TEAD1: variants seen among roughly 807,000 people sequenced by gnomAD.
TEAD1 encodes the protein transcriptional enhancer factor TEF-1.
TEAD1 carries 9 observed loss-of-function variants against 54.9 expected under a neutral mutation model. That is an observed-to-expected ratio of 0.16 (90% CI 0.10 to 0.29). The LOEUF is 0.29. TEAD1 is among the 10% of genes least tolerant of loss of function. The pLI is 1.00. For synonymous variants in TEAD1, 200 were observed against 187.8 expected, an observed-to-expected ratio of 1.07 and a Z score of -0.53; for missense variants, 387 against 535.9, an observed-to-expected ratio of 0.72 and a Z score of 2.74.
At chr11:12,754,739 T>C (rs1054376356) in intron 2 of TEAD1, among the ~76,000 whole-genome samples, 3 of 152,198 alleles carry the variant, frequency 2.0e-5, no homozygotes, top group Admixed American at 1.3e-4. Flanking sequence ...GGGCTTGGCC[T>C]TCGCAGTTTA....
At chr11:12,799,835 G>A (rs1946012625) in intron 3 of TEAD1, among the ~76,000 whole-genome samples, 1 of 152,046 alleles carries the variant, frequency 6.6e-6, no homozygotes, top group South Asian at 2.1e-4. Flanking sequence ...ATAATGTAGT[G>A]TTTTGCTTTT....
At chr11:12,752,419 C>G (rs1285162179) in intron 2 of TEAD1, among the ~76,000 whole-genome samples, 3 of 152,106 alleles carry the variant, frequency 2.0e-5, no homozygotes, top group African/African-American at 7.2e-5. Context: ...ACGCTGCCTT[C>G]CAGTCAGTAC....
rs368662305 is a variant in TEAD1 at position 12,730,772 on chromosome 11, C to T, written c.-54-33407C>T. ...CTGGAGTGCACTAGTGCAATCATGG[C>T]TCACTGCAACCTCCACCTTCCAGTT... On this transcript the variant is annotated intron_variant, in intron 2 of 12. Transcript: ENST00000527636. 2.0e-3 allele frequency among the ~76,000 whole-genome samples: 273 copies of T among 136,354 alleles called. 1 individual carries two copies. Among genetic ancestry groups the T allele is most frequent in the African/African-American group, 7.2e-3 (256 of 35,570 alleles). The allele number at this position is 136,354 out of a possible 152,430, so 89.5% of individuals were successfully genotyped here.
chr11:12,757,216 A>G (rs566661499), intron 2 of TEAD1, among the ~76,000 whole-genome samples: 56 of 151,926 alleles, frequency 3.7e-4, no homozygotes, highest in Non-Finnish European at 6.6e-4. Context: ...TCACCTGCTC[A>G]CTCAAGTTTG....
chr11:12,928,359 C>T (rs2134167174), intron 11 of TEAD1, among the ~76,000 whole-genome samples: 1 of 150,408 alleles, frequency 6.6e-6, no homozygotes, highest in African/African-American at 2.5e-5. Context: ...TGGCTCACTG[C>T]AGCCTCAGCC....
intron 3 of TEAD1, among the ~76,000 whole-genome samples, chr11:12,811,823 T>C (rs1393758304): frequency 2.3e-5 from 2 of 87,696 alleles, no homozygotes; most frequent in Non-Finnish European, 4.1e-5. Context: ...CCTTCGGTTA[T>C]CATAGACTGT....
chr11:12,705,956 G>A (rs1044864479), intron 2 of TEAD1, among the ~76,000 whole-genome samples: 12 of 152,112 alleles, frequency 7.9e-5, no homozygotes, highest in Non-Finnish European at 1.6e-4. Context: ...GATTACCCTC[G>A]TTTGTGTGTC....
At chr11:12,747,254 C>T (rs1036377942) in intron 2 of TEAD1, among the ~76,000 whole-genome samples, 1 of 152,100 alleles carries the variant, frequency 6.6e-6, no homozygotes, top group African/African-American at 2.4e-5. Flanking sequence ...TAGTGCCTAC[C>T]TTTGAAAATT....
intron 5 of TEAD1, among the ~76,000 whole-genome samples, chr11:12,873,275 T>G (rs1422273434): frequency 6.6e-6 from 1 of 152,098 alleles, no homozygotes; most frequent in Non-Finnish European, 1.5e-5. Flanking sequence ...GGGGCTGAGG[T>G]CAGAAGGGTG....
intron 3 of TEAD1, among the ~76,000 whole-genome samples, chr11:12,805,932 T>C (rs1296297755): frequency 1.3e-5 from 2 of 152,196 alleles, no homozygotes; most frequent in Non-Finnish European, 2.9e-5. Context: ...TTTTAATACC[T>C]GAATTGACAG....
chr11:12,839,687 G>A (rs1035581381), intron 3 of TEAD1, among the ~76,000 whole-genome samples: 6 of 152,178 alleles, frequency 3.9e-5, no homozygotes, highest in Non-Finnish European at 5.9e-5. Flanking sequence ...GGTTCAGAAC[G>A]TAAGGAGCAC....
intron 2 of TEAD1, among the ~76,000 whole-genome samples, chr11:12,754,830 C>CTA (rs1320667303): frequency 3.3e-5 from 5 of 152,170 alleles, no homozygotes; most frequent in African/African-American, 1.2e-4. Context: ...GTGGATTTCC[C>CTA]TATTGCTTCT....
chr11:12,768,172 T>C (rs1203260388), intron 3 of TEAD1, among the ~76,000 whole-genome samples: 2 of 152,218 alleles, frequency 1.3e-5, no homozygotes, highest in East Asian at 3.8e-4. Flanking sequence ...GTCTGGACTC[T>C]ATAAATAATA....
intron 3 of TEAD1, among the ~76,000 whole-genome samples, chr11:12,811,670 A>G (rs924890918): frequency 6.6e-6 from 1 of 152,180 alleles, no homozygotes; most frequent in Non-Finnish European, 1.5e-5. Context: ...GGTGGGACCC[A>G]GAAGTCCAGG....
chr11:12,930,022 T>G, intron 11 of TEAD1, 152 bp from the exon 12 acceptor site: 2 of 817,894 alleles, frequency 2.4e-6, no homozygotes, highest in Non-Finnish European at 3.8e-6. Flanking sequence ...TTGGAGATAG[T>G]TTTTTTTTAA....
intron 5 of TEAD1, among the ~76,000 whole-genome samples, chr11:12,877,955 A>C (rs1589951267): frequency 6.6e-6 from 1 of 150,638 alleles, no homozygotes; most frequent in Non-Finnish European, 1.5e-5. Context: ...ACACCACCAC[A>C]CCTGGCTAAT....
intron 3 of TEAD1, among the ~76,000 whole-genome samples, chr11:12,801,915 A>G (rs751015417): frequency 6.6e-6 from 1 of 152,320 alleles, no homozygotes; most frequent in East Asian, 1.9e-4. Context: ...GTATCACACA[A>G]TAGCTTGGTT....
chr11:12,862,192 G>T, intron 3 of TEAD1, 58 bp from the exon 4 acceptor site: 3 of 1,424,264 alleles, frequency 2.1e-6, no homozygotes, highest in Non-Finnish European at 3.0e-6. Context: ...GCTTTCAAGG[G>T]CTTTGTTGGT....
intron 3 of TEAD1, among the ~76,000 whole-genome samples, chr11:12,772,931 C>T (rs1414510823): frequency 6.6e-6 from 1 of 152,196 alleles, no homozygotes; most frequent in Non-Finnish European, 1.5e-5. Flanking sequence ...ACCACAGGAC[C>T]CGGGTTGCCC....
Sources: allele counts gnomAD v4.1 joint callset (sites outside exome capture counted in the v4.1 genomes callset), GRCh38; gene constraint gnomAD v4.1.1; transcripts MANE v1.5; gene names NCBI Gene and HGNC (gene_info 2026-07-23, HGNC 2026-07-21).